SOX13: variants seen among roughly 807,000 people sequenced by gnomAD.
SOX13 encodes transcription factor SOX-13.
In SOX13, 28 loss-of-function variants were observed where a neutral mutation model predicts 71.8. The observed-to-expected ratio is 0.39, with a 90% confidence interval of 0.29 to 0.53. The LOEUF is 0.53. SOX13 is among the 20% of genes least tolerant of loss of function. SOX13 has a pLI of 0.70. For missense variants in SOX13, 627 were observed against 810.3 expected (o/e 0.77, Z 2.75); for synonymous variants, 309 against 317.8 (o/e 0.97, Z 0.29).
At chr1:204,082,334 G>T (rs1655926702) in intron 1 of SOX13, among the ~76,000 whole-genome samples, 1 of 152,074 alleles carries the variant, frequency 6.6e-6, no homozygotes, top group Non-Finnish European at 1.5e-5. Flanking sequence ...TGGGAACCAG[G>T]CAGGGCCTCC....
chr1:204,093,413 C>T (rs898394610), intron 1 of SOX13, among the ~76,000 whole-genome samples: 1 of 152,164 alleles, frequency 6.6e-6, no homozygotes, highest in Non-Finnish European at 1.5e-5. Context: ...AACCCAGCTG[C>T]GGGTGAATTG....
intron 1 of SOX13, among the ~76,000 whole-genome samples, chr1:204,103,345 C>T (rs371089800): frequency 5.9e-5 from 9 of 152,246 alleles, no homozygotes; most frequent in South Asian, 2.1e-4. Flanking sequence ...TATTTTGCAC[C>T]GAGGAGAGTG....
intron 4 of SOX13, chr1:204,116,245 A>G (rs1441049300): frequency 2.8e-6 from 4 of 1,436,112 alleles, no homozygotes; most frequent in Admixed American, 2.1e-5. Flanking sequence ...TGGGGCTGAC[A>G]TGTCCCACTG....
At chr1:204,078,701 C>T (rs1028703481) in intron 1 of SOX13, among the ~76,000 whole-genome samples, 11 of 152,122 alleles carry the variant, frequency 7.2e-5, no homozygotes, top group Non-Finnish European at 1.0e-4. Flanking sequence ...CTCCTGTCAG[C>T]TCCCTGCCCC....
At position 204,123,001 on chromosome 1, in the gene SOX13, C is replaced by A. The variant is rs74139464; in HGVS notation, c.1134+38C>A. On this transcript the variant is annotated intron_variant, in intron 10 of 13. Coordinates refer to ENST00000367204, the MANE Select transcript of SOX13 (RefSeq NM_005686.3). The surrounding 1 kb of genome is among the most constrained non-coding windows in gnomAD (Gnocchi z 5.0). The stretch of plus-strand genomic sequence containing the variant: ...ACTCCCTTGAGCCTAGGGGCAGCAA[C>A]AGATGGTGGCCAGGAGTGGAAGACA... 2.0e-6 allele frequency: 3 copies of A among 1,516,600 alleles called. No homozygotes were observed. The highest frequency in any genetic ancestry group is 1.8e-6 in the Non-Finnish European group (2 of 1,099,066). The allele number at this position is 1,516,600 out of a possible 1,614,324, so 93.9% of individuals were successfully genotyped here. A position where few individuals can be genotyped will look rare whatever the true frequency, so the allele number is the denominator to read the frequency against.
At chr1:204,111,314 T>C (rs1331691708) in intron 1 of SOX13, among the ~76,000 whole-genome samples, 1 of 152,228 alleles carries the variant, frequency 6.6e-6, no homozygotes, top group Non-Finnish European at 1.5e-5. Context: ...ACAGAGCAGC[T>C]AAGCAACTTG....
chr1:204,100,608 A>G (rs1436927363), intron 1 of SOX13, among the ~76,000 whole-genome samples: 1 of 152,262 alleles, frequency 6.6e-6, no homozygotes, highest in Non-Finnish European at 1.5e-5. Flanking sequence ...ATGAAATAAC[A>G]AAATCGAAAA....
Position 204,087,978 on chromosome 1 carries a change from ACT to A in SOX13, c.-2+14270_-2+14271del, listed in dbSNP as rs201997875. Among the ~76,000 whole-genome samples, 13 of 152,010 alleles carry A rather than the reference ACT, an allele frequency of 8.6e-5. No homozygotes were observed. The East Asian group carries it at 2.5e-3, about 29-fold the overall frequency. On this transcript the variant is annotated intron_variant, in intron 1 of 13. Coordinates refer to ENST00000367204, the MANE Select transcript of SOX13 (RefSeq NM_005686.3). ...GAGGCTGGTCTATGCGGTATGTCTG[ACT>A]CTGTTCAGAACAAGTGACAGCCCAC...
At chr1:204,087,772 G>GCC (rs1656054526) in intron 1 of SOX13, among the ~76,000 whole-genome samples, 8 of 152,256 alleles carry the variant, frequency 5.3e-5, no homozygotes, top group Non-Finnish European at 8.8e-5. Context: ...TGTGGAGTCA[G>GCC]ACACTTTGCC....
chr1:204,122,102 A>G, intron 8 of SOX13, 117 bp downstream of exon 8: 2 of 1,037,836 alleles, frequency 1.9e-6, no homozygotes, highest in Admixed American at 2.3e-5. Flanking sequence ...GTTCTTGTTC[A>G]CCCGCTCCTT....
Position 204,121,900 on chromosome 1 carries a change from T to C in SOX13, c.776T>C (p.Val259Ala). 1 of 1,609,918 alleles carries C rather than the reference T, an allele frequency of 6.2e-7. No individual in the cohort carries two copies. Among genetic ancestry groups the C allele is most frequent in the Non-Finnish European group, 8.5e-7 (1 of 1,176,364 alleles). Reference protein sequence around the residue: ...LPIQPIPCKPVEYPLQLLHSP... With the variant: ...LPIQPIPCKPAEYPLQLLHSP... ...TTTCTCCTTGCTGCCTTTTCCATAG[T>C]GGAGTATCCGCTGCAGCTGCTGCAC... Residue 259 changes from valine (V) to alanine (A), a missense_variant and splice_region_variant, in exon 8 of 14, where the codon GTG (valine) becomes GCG (alanine). Around this residue, in one of 3 missense-constraint regions of SOX13, gnomAD observed 447 missense variants for 532.2 expected, o/e 0.84. Transcript: ENST00000367204.
chr1:204,109,679 G>A (rs901210843), intron 1 of SOX13, among the ~76,000 whole-genome samples: 1 of 152,118 alleles, frequency 6.6e-6, no homozygotes, highest in Admixed American at 6.5e-5. Flanking sequence ...TAGTCATCCC[G>A]CTGTATCTGA....
chr1:204,114,237 T>A lies in SOX13; in HGVS notation c.220-84T>A, dbSNP rs550228157. The A allele has an allele frequency of 6.6e-4, 556 of 847,386 alleles. 4 individuals are homozygous for A. Among genetic ancestry groups the A allele is most frequent in the Middle Eastern group, 3.1e-3 (9 of 2,870 alleles). The allele number at this position is 847,386 out of a possible 1,614,324, so 52.5% of individuals were successfully genotyped here. A position where few individuals can be genotyped will look rare whatever the true frequency, so the allele number is the denominator to read the frequency against. ...TGGATAGGGCTGGGATCCCTCAGGG[T>A]ACACATCTTTGGGGTGCCCAGCCCT... On this transcript the variant is annotated intron_variant, in intron 2 of 13. Transcript: ENST00000367204.
At chr1:204,107,940 G>A (rs1405820258) in intron 1 of SOX13, among the ~76,000 whole-genome samples, 1 of 152,166 alleles carries the variant, frequency 6.6e-6, no homozygotes, top group Non-Finnish European at 1.5e-5. Flanking sequence ...GTCACCAGGA[G>A]CCATTGTCTT....
chr1:204,116,133 A>G, intron 4 of SOX13: 1 of 1,210,972 alleles, frequency 8.3e-7, no homozygotes. Flanking sequence ...GTCTTGCTTC[A>G]AAGCCTGAGT....
chr1:204,077,521 A>G (rs546339680), intron 1 of SOX13, among the ~76,000 whole-genome samples: 64 of 152,362 alleles, frequency 4.2e-4, no homozygotes, highest in African/African-American at 1.4e-3. Context: ...AACCTCCCAA[A>G]AACGTGGTTA....
At position 204,117,078 on chromosome 1, in the gene SOX13, G is replaced by T. The variant is rs1481819118; in HGVS notation, c.592-44G>T. 3.8e-6 allele frequency: 6 copies of T among 1,593,722 alleles called. No individual in the cohort carries two copies. The African/African-American group carries it at 4.0e-5, about 11-fold the overall frequency. On this transcript the variant is annotated intron_variant, in intron 5 of 13. Coordinates refer to ENST00000367204, the MANE Select transcript of SOX13 (RefSeq NM_005686.3). Reference sequence around the variant, plus strand: ...AGGGCTGGGCAGACTGGGCACCAGGGCTAATGTCCGTGACCCCCTCTGCCT... The same window carrying T: ...AGGGCTGGGCAGACTGGGCACCAGGTCTAATGTCCGTGACCCCCTCTGCCT...
chr1:204,074,170 C>G (rs1440127676), intron 1 of SOX13: 1 of 152,290 alleles, frequency 6.6e-6, no homozygotes, highest in Non-Finnish European at 1.5e-5. Context: ...CTGCGTGGGG[C>G]TCAGGTGCCT....
Position 204,117,170 on chromosome 1 carries a change from C to T in SOX13, c.640C>T (p.Leu214Phe). 1 of 1,614,016 alleles carries T rather than the reference C, an allele frequency of 6.2e-7. No homozygotes were observed. Among genetic ancestry groups the T allele is most frequent in the Non-Finnish European group, 8.5e-7 (1 of 1,179,884 alleles). The change falls in exon 6 of 14, where the codon CTC becomes TTC. Residue 214 changes from leucine to phenylalanine, a missense_variant. Physicochemically the swap from Leu to Phe is conservative, Grantham distance 22. Around this residue, in one of 3 missense-constraint regions of SOX13, gnomAD observed 447 missense variants for 532.2 expected, o/e 0.84. Transcript: ENST00000367204. ...QLIQQQHKIN[L>F]LQQQIQQVNM... ...GATTCAGCAGCAGCATAAGATCAACCTCCTTCAGCAGCAGATCCAGGTAAC... is the reference window on the plus strand; with the variant it reads ...GATTCAGCAGCAGCATAAGATCAACTTCCTTCAGCAGCAGATCCAGGTAAC...
Sources: allele counts gnomAD v4.1 joint callset (sites outside exome capture counted in the v4.1 genomes callset), GRCh38; gene constraint gnomAD v4.1.1; regional missense constraint gnomAD v4.1.1; non-coding constraint Gnocchi (gnomAD v3.1); transcripts MANE v1.5; gene names NCBI Gene and HGNC (gene_info 2026-07-23, HGNC 2026-07-21).